The following POLK variants were observed in gnomAD, a reference collection of about 807,000 sequenced individuals.
The protein encoded by POLK is DNA polymerase kappa, also known as polymerase (DNA directed) kappa.
In POLK, 76 loss-of-function variants were observed where a neutral mutation model predicts 94.0. That is an observed-to-expected ratio of 0.81 (90% CI 0.67 to 0.98). The LOEUF is 0.98. POLK is among the 50% of genes least tolerant of loss of function. The probability of loss-of-function intolerance (pLI) is 0.00; values close to 1 mark genes in which losing one functional copy is unlikely to be tolerated. For missense variants in POLK, 954 were observed against 1,010.1 expected (o/e 0.94, Z 0.75); for synonymous variants, 349 against 325.4 (o/e 1.07, Z -0.78).
chr5:75,588,895 G>C (rs893683508), intron 10 of POLK, among the ~76,000 whole-genome samples: 1 of 152,152 alleles, frequency 6.6e-6, no homozygotes, highest in Admixed American at 6.5e-5. Context: ...ATCTCTGTCC[G>C]TCAGAATTTA....
intron 5 of POLK, among the ~76,000 whole-genome samples, chr5:75,576,179 A>G (rs192967233): frequency 6.6e-6 from 1 of 152,290 alleles, no homozygotes; most frequent in African/African-American, 2.4e-5. Flanking sequence ...GGAGTACACT[A>G]TAGATTGTCA....
the POLK span, among the ~76,000 whole-genome samples, chr5:75,606,866 C>T: frequency 5.3e-5 from 8 of 152,060 alleles, no homozygotes; most frequent in Admixed American, 3.9e-4. Context: ...GAACCATAAA[C>T]CAGTACACAT....
At position 75,563,390 on chromosome 5, in the gene POLK, A is replaced by G. The variant is rs560549412; in HGVS notation, c.256-5950A>G. ...TTTTTTAAGGGATTTTCGTGTCTCT[A>G]TCTCCTTCAGTTTTGCTCTGATCTC... On this transcript the variant is annotated intron_variant, in intron 3 of 14. Coordinates refer to ENST00000241436, the Ensembl canonical transcript of POLK. Among the ~76,000 whole-genome samples, 8 of 147,808 alleles carry G rather than the reference A, an allele frequency of 5.4e-5. No homozygotes were observed. The East Asian group carries it at 1.2e-3, about 23-fold the overall frequency.
chr5:75,582,134 A>G, intron 7 of POLK: 1 of 987,400 alleles, frequency 1.0e-6, no homozygotes, highest in African/African-American at 1.7e-5. Context: ...GTAAGAGACA[A>G]AAGAAATACT....
chr5:75,529,629 AGT>A (rs1769045908), intron 1 of POLK, among the ~76,000 whole-genome samples: 1 of 152,202 alleles, frequency 6.6e-6, no homozygotes, highest in Non-Finnish European at 1.5e-5. Context: ...GTACATGTTC[AGT>A]ACAGATTTTT....
intron 1 of POLK, among the ~76,000 whole-genome samples, chr5:75,519,260 T>C (rs531382082): frequency 1.6e-4 from 25 of 152,242 alleles, no homozygotes; most frequent in Non-Finnish European, 3.4e-4. Flanking sequence ...ATATGTGATA[T>C]GATTTCTACT....
exon 15 of POLK, chr5:75,598,678 CT>C (rs1773208646): frequency 6.6e-6 from 1 of 152,252 alleles, no homozygotes. Context: ...TAATACAGGA[CT>C]TTTAAATGGC....
At chr5:75,528,147 G>A (rs1768964161) in intron 1 of POLK, among the ~76,000 whole-genome samples, 2 of 151,938 alleles carry the variant, frequency 1.3e-5, no homozygotes, top group South Asian at 2.1e-4. Context: ...ACAATATGTA[G>A]GATGAAATCT....
intron 3 of POLK, chr5:75,568,637 G>A (rs1771414170): frequency 2.4e-6 from 1 of 422,284 alleles, no homozygotes; most frequent in Admixed American, 2.9e-5. Context: ...AGTTCATGAA[G>A]AATAAATTAC....
chr5:75,521,905 A>G (rs1768607186), intron 1 of POLK, among the ~76,000 whole-genome samples: 1 of 152,184 alleles, frequency 6.6e-6, no homozygotes, highest in South Asian at 2.1e-4. Context: ...GTGATATCTC[A>G]GCAGTGTAGA....
intron 1 of POLK, among the ~76,000 whole-genome samples, chr5:75,518,026 C>T (rs1768400532): frequency 2.0e-5 from 3 of 152,016 alleles, no homozygotes; most frequent in Non-Finnish European, 2.9e-5. Context: ...ATGTGATTTG[C>T]TAGTATTTTG....
chr5:75,536,016 C>T (rs905078384), intron 1 of POLK, among the ~76,000 whole-genome samples: 8 of 152,200 alleles, frequency 5.3e-5, no homozygotes, highest in African/African-American at 1.7e-4. Flanking sequence ...TAAGAGGACA[C>T]TCTGGCTTTT....
At chr5:75,527,620 T>C (rs919627978) in intron 1 of POLK, among the ~76,000 whole-genome samples, 2 of 151,988 alleles carry the variant, frequency 1.3e-5, no homozygotes. Context: ...GATCAACTGT[T>C]TGGACTTTAC....
intron 1 of POLK, among the ~76,000 whole-genome samples, chr5:75,530,403 T>C (rs1175329376): frequency 4.6e-5 from 5 of 108,888 alleles, no homozygotes; most frequent in Non-Finnish European, 7.8e-5. Flanking sequence ...TTTCTTTTTT[T>C]TTTTTTTTTT....
intron 1 of POLK, among the ~76,000 whole-genome samples, chr5:75,530,305 A>G (rs1346548246): frequency 1.6e-4 from 19 of 120,778 alleles, no homozygotes; most frequent in Non-Finnish European, 2.2e-4. Context: ...GCTGGAGTGC[A>G]TTGGCACGAT....
chr5:75,585,038 G>A lies in POLK; in HGVS notation c.1226+112G>A, dbSNP rs1772394957. The A allele has an allele frequency of 4.2e-6, 3 of 707,052 alleles. No homozygotes were observed. In the East Asian group the frequency reaches 8.1e-5, roughly 19 times the overall value. The allele number at this position is 707,052 out of a possible 1,614,324, so 43.8% of individuals were successfully genotyped here. Reference sequence around the variant, plus strand: ...CATGTTTTAAAATTCTTTCAGGCTAGTTTAATTCAAAATATAATGTTTGAA... The same window carrying A: ...CATGTTTTAAAATTCTTTCAGGCTAATTTAATTCAAAATATAATGTTTGAA... On this transcript the variant is annotated intron_variant, in intron 9 of 14. Transcript: ENST00000241436.
chr5:75,538,103 G>A (rs1157836020), intron 1 of POLK, among the ~76,000 whole-genome samples: 3 of 152,160 alleles, frequency 2.0e-5, no homozygotes, highest in East Asian at 1.9e-4. Flanking sequence ...TGATCCACCC[G>A]CCTCGGCCTC....
intron 6 of POLK, among the ~76,000 whole-genome samples, chr5:75,577,744 CA>C (rs1457033687): frequency 6.6e-6 from 1 of 152,218 alleles, no homozygotes; most frequent in African/African-American, 2.4e-5. Context: ...GGTAGATCCA[CA>C]ATGACATTAA....
intron 1 of POLK, among the ~76,000 whole-genome samples, chr5:75,530,910 G>A (rs4704227): frequency 0.54 from 81,866 of 150,478 alleles, 25,374 homozygotes; most frequent in African/African-American, 0.87. Context: ...GGTTCATGCC[G>A]TTCTCCTGCC....
Sources: gnomAD v4.1 joint callset for allele counts (sites outside exome capture counted in the v4.1 genomes callset) on GRCh38, gnomAD v4.1.1 for gene constraint, MANE v1.5 for transcripts, NCBI Gene and HGNC (gene_info 2026-07-23, HGNC 2026-07-21) for gene names.